Variants in NAP1L4 observed in about 807,000 individuals in gnomAD.
NAP1L4 encodes nucleosome assembly protein 1-like 4.
Under a neutral mutation model 58.2 loss-of-function variants are expected in NAP1L4, and 15 were observed. The observed-to-expected ratio is 0.26, with a 90% CI of 0.17 to 0.40. The LOEUF (loss-of-function observed/expected upper bound fraction) is 0.40. Ranked by LOEUF, NAP1L4 falls within the 10% of genes least tolerant of loss-of-function variation. NAP1L4 has a pLI of 1.00. For missense variants in NAP1L4, 384 were observed against 451.1 expected, an observed-to-expected ratio of 0.85 and a Z score of 1.35; for synonymous variants, 171 against 155.6, an observed-to-expected ratio of 1.10 and a Z score of -0.74.
intron 8 of NAP1L4, among the ~76,000 whole-genome samples, chr11:2,962,801 G>A (rs1229519939): frequency 2.0e-5 from 3 of 151,944 alleles, no homozygotes; most frequent in Non-Finnish European, 2.9e-5. Flanking sequence ...TCAAACAGGT[G>A]TCCAATAAGA....
rs183000553 is a variant in NAP1L4 at position 2,948,677 on chromosome 11, A to C, written c.*32+550T>G. ...AACAGTACTTTTTACTGCTGACACCAAAACAGATGCCAGTTCATGTTTCAG... is the reference window on the plus strand; with the variant it reads ...AACAGTACTTTTTACTGCTGACACCCAAACAGATGCCAGTTCATGTTTCAG... On this transcript the variant is annotated intron_variant, in intron 15 of 15. Coordinates refer to ENST00000380542, the MANE Select transcript of NAP1L4 (RefSeq NM_005969.4). The surrounding 1 kb of genome is among the most constrained non-coding windows in gnomAD (Gnocchi z 5.1). Among the ~76,000 whole-genome samples, 2 of 152,236 alleles carry C rather than the reference A, an allele frequency of 1.3e-5. No individual in the cohort carries two copies. Among genetic ancestry groups the C allele is most frequent in the African/African-American group, 4.8e-5 (2 of 41,460 alleles).
At position 2,946,213 on chromosome 11, in the gene NAP1L4, A is replaced by C. The variant is rs79002615; in HGVS notation, c.*33-567T>G. ...TTCTGGTGGCCTGTACTGCACCAAC[A>C]AATGATGAGCTGCCACTCCCAAGAG... On this transcript the variant is annotated intron_variant, in intron 15 of 15. Coordinates refer to ENST00000380542, the MANE Select transcript of NAP1L4 (RefSeq NM_005969.4). The surrounding 1 kb of genome is among the most constrained non-coding windows in gnomAD (Gnocchi z 4.8). Among the ~76,000 whole-genome samples, 13 of 152,256 alleles carry C rather than the reference A, an allele frequency of 8.5e-5. No homozygotes were observed. In the East Asian group the frequency reaches 2.5e-3, roughly 29 times the overall value.
chr11:2,952,983 T>C (rs1189086775), intron 12 of NAP1L4, among the ~76,000 whole-genome samples: 3 of 152,214 alleles, frequency 2.0e-5, no homozygotes, highest in Non-Finnish European at 4.4e-5. Flanking sequence ...TACTGAGTCA[T>C]TGCTCTGTGC....
rs867507470 is a variant in NAP1L4 at position 2,984,189 on chromosome 11, A to G, written c.-17-4952T>C. The stretch of plus-strand genomic sequence containing the variant: ...CTCAAAAAAAAAAAAAAAAAAAAAA[A>G]GGCAACAAACCCTACAATGGCTGGC... On this transcript the variant is annotated intron_variant, in intron 1 of 15. Coordinates refer to ENST00000380542, the MANE Select transcript of NAP1L4 (RefSeq NM_005969.4). 1.9e-3 allele frequency among the ~76,000 whole-genome samples: 256 copies of G among 134,324 alleles called. 1 individual carries two copies. Among genetic ancestry groups the G allele is most frequent in the African/African-American group, 6.0e-3 (212 of 35,612 alleles). The allele number at this position is 134,324 out of a possible 152,430, so 88.1% of individuals were successfully genotyped here. A position where few individuals can be genotyped will look rare whatever the true frequency, so the allele number is the denominator to read the frequency against.
Position 2,955,501 on chromosome 11 carries a change from C to T in NAP1L4, c.915+243G>A, listed in dbSNP as rs897202847. On this transcript the variant is annotated intron_variant, in intron 11 of 15. Coordinates refer to ENST00000380542, the MANE Select transcript of NAP1L4 (RefSeq NM_005969.4). This position sits in a 1 kb window ranked among gnomAD's most constrained non-coding sequence, Gnocchi z 4.2. Reference sequence around the variant, plus strand: ...TATTACGGGCGTGAACCACCATGTTCGGCTGGCTAATTTATTTGGTTTTAA... The same window carrying T: ...TATTACGGGCGTGAACCACCATGTTTGGCTGGCTAATTTATTTGGTTTTAA... 6.6e-6 allele frequency among the ~76,000 whole-genome samples: 1 copy of T among 151,928 alleles called. No individual in the cohort carries two copies. The highest frequency in any genetic ancestry group is 1.5e-5 in the Non-Finnish European group (1 of 68,016).
At chr11:2,984,532 T>A (rs1226839754) in intron 1 of NAP1L4, among the ~76,000 whole-genome samples, 1 of 151,924 alleles carries the variant, frequency 6.6e-6, no homozygotes, top group East Asian at 1.9e-4. Context: ...GATCTCGCCA[T>A]TGCACTCCAG....
chr11:2,974,579 A>C (rs1454799878), intron 4 of NAP1L4, among the ~76,000 whole-genome samples: 1 of 152,192 alleles, frequency 6.6e-6, no homozygotes, highest in Non-Finnish European at 1.5e-5. Flanking sequence ...AGAAGCTTCT[A>C]AATGGGCAAA....
chr11:2,945,451 T>C lies in NAP1L4; in HGVS notation c.*228A>G. On this transcript the variant is annotated 3_prime_UTR_variant, in exon 16 of 16. Coordinates refer to ENST00000380542, the MANE Select transcript of NAP1L4 (RefSeq NM_005969.4). ...CCACTGTACAAGTTAAGCAAAATAA[T>C]AAGGAAAAAGGAAAAGTGAAAGTGA... is the stretch of plus-strand genomic sequence containing the variant. 1 of 682,750 alleles carries C rather than the reference T, an allele frequency of 1.5e-6. No individual in the cohort carries two copies. The highest frequency in any genetic ancestry group is 2.4e-6 in the Non-Finnish European group (1 of 414,730). The allele number at this position is 682,750 out of a possible 1,614,324, so 42.3% of individuals were successfully genotyped here.
chr11:2,975,437 A>T (rs903676448), intron 4 of NAP1L4, among the ~76,000 whole-genome samples: 5 of 152,126 alleles, frequency 3.3e-5, no homozygotes, highest in African/African-American at 4.8e-5. Context: ...CTCTCTTAAG[A>T]AAGCAAAGGT....
chr11:2,986,143 G>A (rs1010313186), intron 1 of NAP1L4, among the ~76,000 whole-genome samples: 1 of 152,108 alleles, frequency 6.6e-6, no homozygotes, highest in Non-Finnish European at 1.5e-5. Context: ...GGAGACCAAG[G>A]CGGGCGGATC....
intron 1 of NAP1L4, among the ~76,000 whole-genome samples, chr11:2,986,497 G>C (rs1848634372): frequency 6.6e-6 from 1 of 152,096 alleles, no homozygotes. Flanking sequence ...AAACTCAAAG[G>C]TCCTCAATGT....
rs1272224247 is a variant in NAP1L4 at position 2,955,538 on chromosome 11, G to T, written c.915+206C>A. ...TTATTTGGTTTTAATTTTTTGTGGA[G>T]ATGGGGTTGTGCTATGTTGCCCAGG... On this transcript the variant is annotated intron_variant, in intron 11 of 15. Transcript: ENST00000380542. This position sits in a 1 kb window ranked among gnomAD's most constrained non-coding sequence, Gnocchi z 4.2. Among the ~76,000 whole-genome samples, 1 of 151,964 alleles carries T rather than the reference G, an allele frequency of 6.6e-6. No individual in the cohort carries two copies. The highest frequency in any genetic ancestry group is 2.4e-5 in the African/African-American group (1 of 41,346).
chr11:2,951,952 C>T lies in NAP1L4; in HGVS notation c.1036-143G>A. 5.3e-6 allele frequency: 4 copies of T among 757,546 alleles called. No homozygotes were observed. The South Asian group carries it at 6.0e-5, about 11-fold the overall frequency. 46.9% of individuals were successfully genotyped at this position (757,546 alleles called of 1,614,324 possible). Reference sequence around the variant, plus strand: ...ACGCTGCCTGCTGGGCCTCGCTTGCCTGAGGAGCCATTTGCTTGTGTGCAG... The same window carrying T: ...ACGCTGCCTGCTGGGCCTCGCTTGCTTGAGGAGCCATTTGCTTGTGTGCAG... On this transcript the variant is annotated intron_variant, in intron 12 of 15. Transcript: ENST00000380542. This position sits in a 1 kb window ranked among gnomAD's most constrained non-coding sequence, Gnocchi z 4.0.
chr11:2,984,595 A>G (rs1848518391), intron 1 of NAP1L4, among the ~76,000 whole-genome samples: 1 of 152,132 alleles, frequency 6.6e-6, no homozygotes, highest in Admixed American at 6.5e-5. Context: ...ACAAAAAACT[A>G]ACAAACACAC....
chr11:2,969,751 T>C, intron 7 of NAP1L4, 52 bp downstream of exon 7: 1 of 1,555,216 alleles, frequency 6.4e-7, no homozygotes, highest in South Asian at 1.2e-5. Context: ...CATAGATAAG[T>C]AATGTTAGAA....
Position 2,954,661 on chromosome 11 carries a change from C to T in NAP1L4, c.916-15G>A, listed in dbSNP as rs746463925. 1 of 1,614,168 alleles carries T rather than the reference C, an allele frequency of 6.2e-7. No homozygotes were observed. Among genetic ancestry groups the T allele is most frequent in the Admixed American group, 1.7e-5 (1 of 60,032 alleles). ...GAATCTTCATCCTGAGGAGGAAAAA[C>T]CTACGTGTTAACTCATTTTAATGGG... On this transcript the variant is annotated splice_polypyrimidine_tract_variant and intron_variant, in intron 11 of 15. Coordinates refer to ENST00000380542, the MANE Select transcript of NAP1L4 (RefSeq NM_005969.4). This position sits in a 1 kb window ranked among gnomAD's most constrained non-coding sequence, Gnocchi z 4.8.
intron 1 of NAP1L4, chr11:2,991,489 T>C (rs1848963266): frequency 5.3e-6 from 1 of 190,390 alleles, no homozygotes; most frequent in Admixed American, 5.5e-5. Context: ...CGGTTTTAAA[T>C]AGTAAACAGA....
intron 1 of NAP1L4, among the ~76,000 whole-genome samples, chr11:2,982,175 T>C (rs1253100306): frequency 1.3e-5 from 2 of 152,230 alleles, no homozygotes; most frequent in Non-Finnish European, 2.9e-5. Flanking sequence ...TTATCCTTAA[T>C]TGATATGGCA....
At chr11:2,990,719 T>TAA (rs1848913045) in intron 1 of NAP1L4, 1 of 166,146 alleles carries the variant, frequency 6.0e-6, no homozygotes, top group Non-Finnish European at 1.3e-5. Flanking sequence ...TCATTATACC[T>TAA]AACCTCCCAG....
Sources: gnomAD v4.1 joint callset for allele counts (sites outside exome capture counted in the v4.1 genomes callset) on GRCh38, gnomAD v4.1.1 for gene constraint, Gnocchi (gnomAD v3.1) non-coding constraint, MANE v1.5 for transcripts, NCBI Gene and HGNC (gene_info 2026-07-23, HGNC 2026-07-21) for gene names.